PIK3R1: variants seen among roughly 807,000 people sequenced by gnomAD.
PIK3R1 encodes the protein phosphoinositide-3-kinase regulatory subunit 1.
Under a neutral mutation model 98.0 loss-of-function variants are expected in PIK3R1, and 29 were observed. The ratio of observed to expected loss-of-function variants is 0.30; its 90% CI spans 0.22 to 0.40. PIK3R1 has a LOEUF of 0.40. Ranked by LOEUF, PIK3R1 falls within the 10% of genes least tolerant of loss-of-function variation. The probability of loss-of-function intolerance (pLI) is 1.00; values close to 1 mark genes in which losing one functional copy is unlikely to be tolerated. For synonymous variants in PIK3R1, 282 were observed against 311.8 expected (o/e 0.90, Z 1.01); for missense variants, 596 against 872.7 (o/e 0.68, Z 3.99).
chr5:68,277,929 T>G (rs948880070), intron 4 of PIK3R1, among the ~76,000 whole-genome samples: 2 of 152,158 alleles, frequency 1.3e-5, no homozygotes, highest in Non-Finnish European at 2.9e-5. Flanking sequence ...ATCTTGCCCA[T>G]CAGCCCACCT....
At position 68,274,088 on chromosome 5, in the gene PIK3R1, C is replaced by G. The variant is rs569632461; in HGVS notation, c.502+75C>G. 1.6e-5 allele frequency: 18 copies of G among 1,097,402 alleles called. No individual in the cohort carries two copies. In the East Asian group the frequency reaches 2.8e-4, roughly 17 times the overall value. 68.0% of individuals were successfully genotyped at this position (1,097,402 alleles called of 1,614,324 possible). ...TTCTGTTTCAGGTAATGCACACACA[C>G]AAAATTGAATTTAATCTATGCAGTG... is the stretch of plus-strand genomic sequence containing the variant. On this transcript the variant is annotated intron_variant, in intron 4 of 15. Transcript: ENST00000521381.
chr5:68,233,837 C>T (rs1172168734), intron 2 of PIK3R1, among the ~76,000 whole-genome samples: 4 of 152,142 alleles, frequency 2.6e-5, no homozygotes, highest in Admixed American at 2.0e-4. Context: ...GGCTTTATAC[C>T]ACCTAAGGCA....
Position 68,279,633 on chromosome 5 carries a change from T to C in PIK3R1, c.534T>C (p.Asp178=), listed in dbSNP as rs376359156. 32 of 1,613,844 alleles carry C rather than the reference T, an allele frequency of 2.0e-5. No homozygotes were observed. In the African/African-American group the frequency reaches 2.4e-4, roughly 12 times the overall value. Reference sequence around the variant, plus strand: ...CCTCCGTGGACTTGGAAATGATCGATGTGCACGTTTTGGCTGACGCTTTCA... The same window carrying C: ...CCTCCGTGGACTTGGAAATGATCGACGTGCACGTTTTGGCTGACGCTTTCA... ...DTPSVDLEMI[D]VHVLADAFKR... Residue 178 remains aspartate, a synonymous_variant, in exon 5 of 16, where the codon GAT becomes GAC. Coordinates refer to ENST00000521381, the MANE Select transcript of PIK3R1 (RefSeq NM_181523.3).
At chr5:68,268,299 G>C (rs932347671) in intron 2 of PIK3R1, among the ~76,000 whole-genome samples, 1 of 152,094 alleles carries the variant, frequency 6.6e-6, no homozygotes, top group African/African-American at 2.4e-5. Context: ...AATTAAGGAA[G>C]TCATCGTTGT....
intron 14 of PIK3R1, 37 bp from the exon 15 acceptor site, chr5:68,296,134 A>T: frequency 6.2e-7 from 1 of 1,607,078 alleles, no homozygotes; most frequent in African/African-American, 1.3e-5. Context: ...TGGCTCCTGC[A>T]CTCTTCATTT....
intron 1 of PIK3R1, among the ~76,000 whole-genome samples, chr5:68,226,014 TGTGGCTCTG>T (rs2111960471): frequency 6.6e-6 from 1 of 152,284 alleles, no homozygotes; most frequent in East Asian, 1.9e-4. Flanking sequence ...GTACTAGTGT[TGTGGCTCTG>T]TGTACTCTGA....
At chr5:68,259,809 T>TG (rs1283382622) in intron 2 of PIK3R1, among the ~76,000 whole-genome samples, 1 of 152,164 alleles carries the variant, frequency 6.6e-6, no homozygotes, top group Non-Finnish European at 1.5e-5. Flanking sequence ...ATATGCCCTA[T>TG]GGGACCTCAT....
chr5:68,239,496 C>T (rs1194584704), intron 2 of PIK3R1, among the ~76,000 whole-genome samples: 1 of 152,174 alleles, frequency 6.6e-6, no homozygotes, highest in African/African-American at 2.4e-5. Context: ...ACCTTTTATT[C>T]CATTGACTTG....
intron 15 of PIK3R1, 84 bp downstream of exon 15, chr5:68,296,425 G>T: frequency 7.7e-7 from 1 of 1,298,224 alleles, no homozygotes; most frequent in Admixed American, 2.1e-5. Flanking sequence ...TGGGGGCAAA[G>T]ATTTGACATA....
At chr5:68,288,490 G>C in intron 7 of PIK3R1, 1 of 1,311,062 alleles carries the variant, frequency 7.6e-7, no homozygotes, top group African/African-American at 1.6e-5. Context: ...ACGCACTGCC[G>C]GGCGGGGCGT....
Position 68,226,446 on chromosome 5 carries a change from G to T in PIK3R1, c.-230G>T, listed in dbSNP as rs1361311361. On this transcript the variant is annotated 5_prime_UTR_variant, in exon 2 of 16. Coordinates refer to ENST00000521381, the MANE Select transcript of PIK3R1 (RefSeq NM_181523.3). Reference sequence around the variant, plus strand: ...GAAGCCAGTGAGAGGACTGTGGCACGCAGAGGAAGTGGAGCCCTGTCTTCG... The same window carrying T: ...GAAGCCAGTGAGAGGACTGTGGCACTCAGAGGAAGTGGAGCCCTGTCTTCG... 1 of 512,542 alleles carries T rather than the reference G, an allele frequency of 2.0e-6. No homozygotes were observed. The highest frequency in any genetic ancestry group is 3.7e-5 in the South Asian group (1 of 26,854). 31.7% of individuals were successfully genotyped at this position (512,542 alleles called of 1,614,324 possible). A position where few individuals can be genotyped will look rare whatever the true frequency, so the allele number is the denominator to read the frequency against.
chr5:68,247,836 G>T (rs1368098767), intron 2 of PIK3R1, among the ~76,000 whole-genome samples: 1 of 152,144 alleles, frequency 6.6e-6, no homozygotes, highest in African/African-American at 2.4e-5. Flanking sequence ...GGCCTTTGGT[G>T]CCAGGGCCTG....
chr5:68,277,759 T>TATGA (rs1484294825), intron 4 of PIK3R1, among the ~76,000 whole-genome samples: 1 of 152,346 alleles, frequency 6.6e-6, no homozygotes, highest in East Asian at 1.9e-4. Flanking sequence ...CACCGAGTTA[T>TATGA]ATGAGGTCTC....
intron 4 of PIK3R1, among the ~76,000 whole-genome samples, chr5:68,274,466 G>A (rs943851694): frequency 1.3e-4 from 20 of 151,502 alleles, no homozygotes; most frequent in Non-Finnish European, 2.1e-4. Context: ...TTCCTTTTCC[G>A]TTTCCCTTTC....
intron 2 of PIK3R1, among the ~76,000 whole-genome samples, chr5:68,246,382 G>C (rs1388897297): frequency 6.6e-6 from 1 of 150,542 alleles, no homozygotes; most frequent in Non-Finnish European, 1.5e-5. Flanking sequence ...GCGCGATCTC[G>C]GCTCGCTGCA....
At chr5:68,248,749 T>C (rs1286528746) in intron 2 of PIK3R1, among the ~76,000 whole-genome samples, 3 of 152,226 alleles carry the variant, frequency 2.0e-5, no homozygotes, top group African/African-American at 7.2e-5. Context: ...AAGAACTATA[T>C]GTTATTTGTT....
Position 68,292,256 on chromosome 5 carries a change from C to A in PIK3R1, c.917-3C>A. 6.2e-7 allele frequency: 1 copy of A among 1,601,472 alleles called. No homozygotes were observed. The highest frequency in any genetic ancestry group is 8.5e-7 in the Non-Finnish European group (1 of 1,171,368). On this transcript the variant is annotated splice_region_variant and splice_polypyrimidine_tract_variant and intron_variant, in intron 7 of 15. Transcript: ENST00000521381. ...CGAACAACTTTTTCTTTTTCATCTG[C>A]AGCACTGCCTCCTAAACCACCAAAA...
intron 8 of PIK3R1, chr5:68,292,768 C>T (rs774996750): frequency 1.5e-5 from 19 of 1,261,750 alleles, no homozygotes; most frequent in Non-Finnish European, 1.8e-5. Flanking sequence ...TTTCTGTGCT[C>T]ATTTGTCAGA....
chr5:68,262,403 T>TATATATATATATATATATATATACACAC (rs33968242), intron 2 of PIK3R1, among the ~76,000 whole-genome samples: 5 of 140,606 alleles, frequency 3.6e-5, no homozygotes, highest in Non-Finnish European at 4.6e-5. Context: ...TATATATATA[T>TATATATATATATATATATATATACACAC]ACACACACGC....
Sources: allele counts gnomAD v4.1 joint callset (sites outside exome capture counted in the v4.1 genomes callset), GRCh38; gene constraint gnomAD v4.1.1; transcripts MANE v1.5; gene names NCBI Gene and HGNC (gene_info 2026-07-23, HGNC 2026-07-21).